Variants in ARID3B observed in about 807,000 individuals in gnomAD.
ARID3B encodes the protein AT-rich interactive domain-containing protein 3B.
In ARID3B, 10 loss-of-function variants were observed where a neutral mutation model predicts 51.9. That is an observed-to-expected ratio of 0.19 (90% CI 0.12 to 0.33). The LOEUF (loss-of-function observed/expected upper bound fraction) is 0.33. ARID3B is among the 10% of genes least tolerant of loss of function. ARID3B has a pLI of 1.00. For synonymous variants in ARID3B, 205 were observed against 279.5 expected (o/e 0.73, Z 2.66); for missense variants, 483 against 716.3 (o/e 0.67, Z 3.72).
intron 2 of ARID3B, among the ~76,000 whole-genome samples, chr15:74,548,058 A>T (rs1258566814): frequency 6.6e-6 from 1 of 152,232 alleles, no homozygotes; most frequent in Non-Finnish European, 1.5e-5. Flanking sequence ...CTGACACCAC[A>T]GTGATGGGAA....
chr15:74,588,046 G>A (rs1223747489), intron 4 of ARID3B, among the ~76,000 whole-genome samples: 1 of 152,054 alleles, frequency 6.6e-6, no homozygotes, highest in African/African-American at 2.4e-5. Flanking sequence ...TTTGAGACCA[G>A]CCTGGGCAAC....
At chr15:74,585,071 A>G (rs1391041025) in intron 4 of ARID3B, among the ~76,000 whole-genome samples, 1 of 152,096 alleles carries the variant, frequency 6.6e-6, no homozygotes, top group African/African-American at 2.4e-5. Context: ...ATTACCCTCA[A>G]TCCCAGCTCC....
chr15:74,597,709 T>C lies in ARID3B; in HGVS notation c.*1935T>C. The C allele has an allele frequency of 4.0e-6, 2 of 495,506 alleles. No individual in the cohort carries two copies. Among genetic ancestry groups the C allele is most frequent in the South Asian group, 1.7e-5 (1 of 60,104 alleles). 30.7% of individuals were successfully genotyped at this position (495,506 alleles called of 1,614,324 possible). On this transcript the variant is annotated 3_prime_UTR_variant, in exon 9 of 9. Coordinates refer to ENST00000346246, the MANE Select transcript of ARID3B (RefSeq NM_006465.4). ...AGGGGTTTGGTCACAAAGGATGGAC[T>C]CTTCCCACCCAGAGGATGCAGGGAA...
intron 4 of ARID3B, among the ~76,000 whole-genome samples, chr15:74,585,200 A>G (rs527897979): frequency 1.3e-5 from 2 of 152,350 alleles, no homozygotes; most frequent in South Asian, 4.1e-4. Context: ...AGTGACCCAC[A>G]AAGATCTCTC....
intron 1 of ARID3B, among the ~76,000 whole-genome samples, chr15:74,542,128 C>G (rs1391101251): frequency 6.6e-6 from 1 of 152,186 alleles, no homozygotes; most frequent in Non-Finnish European, 1.5e-5. Flanking sequence ...ACTGGCAGGA[C>G]TTGGTTGAGA....
intron 2 of ARID3B, among the ~76,000 whole-genome samples, chr15:74,550,776 G>A (rs1282828455): frequency 3.9e-5 from 6 of 152,106 alleles, no homozygotes; most frequent in South Asian, 2.1e-4. Flanking sequence ...TTGGACAAGC[G>A]TTCTAATCTG....
chr15:74,586,248 G>A lies in ARID3B; in HGVS notation c.698-3572G>A, dbSNP rs139474774. On this transcript the variant is annotated intron_variant, in intron 4 of 8. Coordinates refer to ENST00000346246, the MANE Select transcript of ARID3B (RefSeq NM_006465.4). ...CTCTGTAGTGTGATGACAGTTCCCAGAAGAGTACACTTTCCCCTCTGGGAA... is the reference window on the plus strand; with the variant it reads ...CTCTGTAGTGTGATGACAGTTCCCAAAAGAGTACACTTTCCCCTCTGGGAA... 1.7e-3 allele frequency among the ~76,000 whole-genome samples: 252 copies of A among 152,342 alleles called. 1 individual carries two copies. Among genetic ancestry groups the A allele is most frequent in the African/African-American group, 5.8e-3 (240 of 41,562 alleles).
At chr15:74,572,703 G>A (rs986650249) in intron 2 of ARID3B, among the ~76,000 whole-genome samples, 159 bp from the exon 3 acceptor site, 1 of 152,108 alleles carries the variant, frequency 6.6e-6, no homozygotes, top group East Asian at 1.9e-4. Context: ...TCCCTGTAAG[G>A]GTGGCAGAAT....
rs961308225 is a variant in ARID3B, at chr15:74,596,606, CCAGCCTTCTT to C, written c.*847_*856del. On this transcript the variant is annotated 3_prime_UTR_variant, in exon 9 of 9. Coordinates refer to ENST00000346246, the MANE Select transcript of ARID3B (RefSeq NM_006465.4). Reference sequence around the variant, plus strand: ...CCTCTTCAGCCCTCCCCAGTCCTCCCCAGCCTTCTTCAGCCTTCTTCAGCTCAGCCCTCTT... The same window carrying C: ...CCTCTTCAGCCCTCCCCAGTCCTCCCCAGCCTTCTTCAGCTCAGCCCTCTT... The C allele has an allele frequency of 1.2e-4, 27 of 233,782 alleles. No homozygotes were observed. Among genetic ancestry groups the C allele is most frequent in the African/African-American group, 6.0e-4 (27 of 45,354 alleles). The allele number at this position is 233,782 out of a possible 1,614,324, so 14.5% of individuals were successfully genotyped here.
intron 8 of ARID3B, 61 bp downstream of exon 8, chr15:74,593,297 G>C: frequency 6.7e-7 from 1 of 1,501,850 alleles, no homozygotes. Context: ...GGGCAGCTCT[G>C]CGGCTGGCCC....
At position 74,597,887 on chromosome 15, in the gene ARID3B, G is replaced by A; in HGVS notation, c.*2113G>A. The A allele has an allele frequency of 1.9e-6, 1 of 528,988 alleles. No individual in the cohort carries two copies. Among genetic ancestry groups the A allele is most frequent in the Admixed American group, 2.2e-5 (1 of 44,684 alleles). 32.8% of individuals were successfully genotyped at this position (528,988 alleles called of 1,614,324 possible). A position where few individuals can be genotyped will look rare whatever the true frequency, so the allele number is the denominator to read the frequency against. On this transcript the variant is annotated 3_prime_UTR_variant, in exon 9 of 9. Coordinates refer to ENST00000346246, the MANE Select transcript of ARID3B (RefSeq NM_006465.4). ...GGGGTGCCAGCAGGTGCCCCCACGA[G>A]TGGGGCCTTGGCCCAAGCAGAGCTT...
intron 2 of ARID3B, among the ~76,000 whole-genome samples, chr15:74,546,581 A>G (rs2061616741): frequency 6.6e-6 from 1 of 152,228 alleles, no homozygotes. Context: ...GCATCATGTT[A>G]TCTAGATGGT....
intron 2 of ARID3B, among the ~76,000 whole-genome samples, chr15:74,565,937 C>G (rs953732424): frequency 2.6e-5 from 4 of 152,174 alleles, no homozygotes; most frequent in Non-Finnish European, 5.9e-5. Context: ...AGGCAGTGGT[C>G]TGTTTTCATT....
In ARID3B at chr15:74,597,270, C is replaced by A. The variant is rs1380378237; in HGVS notation, c.*1496C>A. ...TGATTCGCTTGCGGCTCACCTCAGT[C>A]GAGGAAGCCCTGGAATGTTCAGCAG... On this transcript the variant is annotated 3_prime_UTR_variant, in exon 9 of 9. Transcript: ENST00000346246. 6 of 384,998 alleles carry A rather than the reference C, an allele frequency of 1.6e-5. No homozygotes were observed. The East Asian group carries it at 2.9e-4, about 19-fold the overall frequency. The allele number at this position is 384,998 out of a possible 1,614,324, so 23.8% of individuals were successfully genotyped here.
chr15:74,594,304 CA>C (rs1223476247), intron 8 of ARID3B, among the ~76,000 whole-genome samples: 1 of 152,122 alleles, frequency 6.6e-6, no homozygotes, highest in Non-Finnish European at 1.5e-5. Context: ...AAAAGTTAGC[CA>C]GGCGTGGGGG....
chr15:74,596,292 T>C lies in ARID3B; in HGVS notation c.*518T>C, dbSNP rs1160587375. 1.3e-5 allele frequency: 3 copies of C among 234,212 alleles called. No homozygotes were observed. The highest frequency in any genetic ancestry group is 1.7e-5 in the Non-Finnish European group (2 of 118,486). The allele number at this position is 234,212 out of a possible 1,614,324, so 14.5% of individuals were successfully genotyped here. On this transcript the variant is annotated 3_prime_UTR_variant, in exon 9 of 9. Transcript: ENST00000346246. ...GGGATGGGGCCCTTCCAGCCCACTT[T>C]GCCTACTGTTAGGTTCCTGGGGTAC...
At chr15:74,595,142 C>T (rs956734649) in intron 8 of ARID3B, among the ~76,000 whole-genome samples, 3 of 152,262 alleles carry the variant, frequency 2.0e-5, no homozygotes, top group African/African-American at 7.2e-5. Context: ...ACCTCCTGGG[C>T]TCAAGTGATC....
At position 74,591,663 on chromosome 15, in the gene ARID3B, G is replaced by A. The variant is rs534180198; in HGVS notation, c.1269G>A (p.Gln423=). The change falls in exon 7 of 9, where the codon CAG becomes CAA. Residue 423 remains glutamine, a synonymous_variant. Transcript: ENST00000346246. This position sits in a 1 kb window ranked among gnomAD's most constrained non-coding sequence, Gnocchi z 5.8. The part of the protein sequence containing the change: ...QAGTRTAALE[Q]LRERLESGEP... ...GTACTCGGACCGCCGCACTGGAGCA[G>A]CTGCGGGAGCGGCTGGAGTCAGGGG... is the stretch of plus-strand genomic sequence containing the variant. 427 of 1,608,738 alleles carry A rather than the reference G, an allele frequency of 2.7e-4. 3 individuals are homozygous for A. In the South Asian group the frequency reaches 4.1e-3, roughly 16 times the overall value.
At chr15:74,589,531 C>T (rs772008136) in intron 4 of ARID3B, among the ~76,000 whole-genome samples, 6 of 152,142 alleles carry the variant, frequency 3.9e-5, no homozygotes, top group Admixed American at 6.5e-5. Context: ...CACACACACA[C>T]GAACTAAAAA....
Sources: gnomAD v4.1 joint callset for allele counts (sites outside exome capture counted in the v4.1 genomes callset) on GRCh38, gnomAD v4.1.1 for gene constraint, Gnocchi (gnomAD v3.1) non-coding constraint, MANE v1.5 for transcripts, NCBI Gene and HGNC (gene_info 2026-07-23, HGNC 2026-07-21) for gene names.